The following ATP8B4 variants were observed in gnomAD, a reference collection of about 807,000 sequenced individuals.
ATP8B4 encodes the protein probable phospholipid-transporting ATPase IM.
A neutral mutation model predicts 145.6 loss-of-function variants in ATP8B4; 133 were observed. That is an observed-to-expected ratio of 0.91 (90% CI 0.79 to 1.05). The LOEUF (loss-of-function observed/expected upper bound fraction) is 1.05, where lower values mean the gene tolerates loss of function less well. Ranked by LOEUF, ATP8B4 falls within the 50% of genes least tolerant of loss-of-function variation. ATP8B4 has a pLI of 0.00. For missense variants in ATP8B4, 1,458 were observed against 1,425.2 expected (o/e 1.02, Z -0.37); for synonymous variants, 507 against 492.9 (o/e 1.03, Z -0.38).
intron 2 of ATP8B4, among the ~76,000 whole-genome samples, chr15:50,102,837 C>T (rs979376863): frequency 5.4e-5 from 8 of 148,650 alleles, no homozygotes; most frequent in African/African-American, 2.0e-4. Flanking sequence ...AGATGTAAAA[C>T]TCCTCAACAA....
chr15:49,957,934 C>T (rs141891995), intron 14 of ATP8B4, among the ~76,000 whole-genome samples: 103 of 151,742 alleles, frequency 6.8e-4, no homozygotes, highest in Non-Finnish European at 1.2e-3. Flanking sequence ...TAGCTAATTC[C>T]TACCTTAAGA....
At chr15:49,984,238 G>A (rs1282238532) in intron 10 of ATP8B4, among the ~76,000 whole-genome samples, 1 of 152,060 alleles carries the variant, frequency 6.6e-6, no homozygotes, top group Non-Finnish European at 1.5e-5. Context: ...TTTGAACCTC[G>A]ACATAAGTAA....
intron 25 of ATP8B4, among the ~76,000 whole-genome samples, chr15:49,874,087 G>A (rs1198876341): frequency 6.6e-6 from 1 of 152,156 alleles, no homozygotes; most frequent in Non-Finnish European, 1.5e-5. Flanking sequence ...TATCCATTGT[G>A]TGTCACACTA....
chr15:50,015,880 G>A (rs186365874), intron 6 of ATP8B4, among the ~76,000 whole-genome samples: 56 of 152,256 alleles, frequency 3.7e-4, no homozygotes, highest in Admixed American at 1.1e-3. Context: ...TTATGCTGAG[G>A]CAAAATCACA....
intron 14 of ATP8B4, among the ~76,000 whole-genome samples, chr15:49,960,756 C>G (rs1599444250): frequency 6.6e-6 from 1 of 152,286 alleles, no homozygotes; most frequent in South Asian, 2.1e-4. Flanking sequence ...ATTTCACAGA[C>G]AAATACTTAT....
At chr15:49,871,603 G>C (rs577252609) in intron 25 of ATP8B4, among the ~76,000 whole-genome samples, 1 of 152,320 alleles carries the variant, frequency 6.6e-6, no homozygotes, top group South Asian at 2.1e-4. Context: ...AAGACAGACA[G>C]AGTTGAAGGA....
In ATP8B4 at chr15:50,141,360, G is replaced by A. The variant is rs916387447; in HGVS notation, c.-42-34352C>T. Among the ~76,000 whole-genome samples the A allele has an allele frequency of 3.3e-5, 5 of 152,044 alleles. No individual in the cohort carries two copies. The East Asian group carries it at 9.7e-4, about 29-fold the overall frequency. Reference sequence around the variant, plus strand: ...CCAAGGCCTTATCACCATGATCCTGGGCCATGGTTTTTGATTCCTATTGGA... The same window carrying A: ...CCAAGGCCTTATCACCATGATCCTGAGCCATGGTTTTTGATTCCTATTGGA... On this transcript the variant is annotated intron_variant, in intron 1 of 3. Transcript: ENST00000558829.
chr15:49,934,787 G>T (rs900410004), intron 14 of ATP8B4, among the ~76,000 whole-genome samples: 2 of 152,176 alleles, frequency 1.3e-5, no homozygotes, highest in South Asian at 4.1e-4. Flanking sequence ...GGAACTGTGA[G>T]CCTGTATCTA....
intron 14 of ATP8B4, among the ~76,000 whole-genome samples, chr15:49,934,935 T>G (rs1004600316): frequency 6.6e-6 from 1 of 152,138 alleles, no homozygotes; most frequent in Non-Finnish European, 1.5e-5. Flanking sequence ...CTTTTGCAAT[T>G]GATTCTAAAG....
chr15:50,076,035 A>G (rs1048597160), intron 2 of ATP8B4, among the ~76,000 whole-genome samples: 2 of 152,220 alleles, frequency 1.3e-5, no homozygotes, highest in African/African-American at 2.4e-5. Flanking sequence ...AATCAGATAT[A>G]TTAATTATAT....
intron 14 of ATP8B4, among the ~76,000 whole-genome samples, chr15:49,947,404 CCTGGCGA>C (rs2042662995): frequency 6.8e-6 from 1 of 147,218 alleles, no homozygotes; most frequent in Non-Finnish European, 1.5e-5. Flanking sequence ...TGCACTCCAG[CCTGGCGA>C]CTGGCGACAG....
At chr15:50,034,381 C>T (rs1481389375) in intron 6 of ATP8B4, among the ~76,000 whole-genome samples, 2 of 152,084 alleles carry the variant, frequency 1.3e-5, no homozygotes, top group East Asian at 3.9e-4. Context: ...CGGTGCCTGC[C>T]ACCATGCCCA....
In ATP8B4 at chr15:49,866,476, C is replaced by T. The variant is rs2032804486; in HGVS notation, c.3036G>A (p.Leu1012=). The change falls in exon 26 of 28, where the codon TTG becomes TTA. Residue 1012 remains leucine (L), a synonymous_variant. Coordinates refer to ENST00000284509, the MANE Select transcript of ATP8B4 (RefSeq NM_024837.4). ...TAATGAAAGTCCAGTAACTGGTATCCAAGGCTATCTGTAAATAAAATCAAA... is the reference window on the plus strand; with the variant it reads ...TAATGAAAGTCCAGTAACTGGTATCTAAGGCTATCTGTAAATAAAATCAAA... ...LVIVVSVQIA[L]DTSYWTFINH... 1 of 1,613,456 alleles carries T rather than the reference C, an allele frequency of 6.2e-7. No individual in the cohort carries two copies.
At chr15:49,971,439 C>T (rs1431228994) in intron 13 of ATP8B4, among the ~76,000 whole-genome samples, 3 of 151,826 alleles carry the variant, frequency 2.0e-5, no homozygotes, top group Non-Finnish European at 2.9e-5. Context: ...AAACAAACAA[C>T]CCCATCAAAA....
In ATP8B4 at chr15:50,010,919, T is replaced by C; in HGVS notation, c.363-2A>G. 1 of 1,532,612 alleles carries C rather than the reference T, an allele frequency of 6.5e-7. No homozygotes were observed. 94.9% of individuals were successfully genotyped at this position (1,532,612 alleles called of 1,614,324 possible). The stretch of plus-strand genomic sequence containing the variant: ...TTCATCCATTTTTCATTCTGCAGTC[T>C]AAAAACAAAAATAAAATTAATTTTC... On this transcript the variant is annotated splice_acceptor_variant, in intron 6 of 27. Coordinates refer to ENST00000284509, the MANE Select transcript of ATP8B4 (RefSeq NM_024837.4). LOFTEE classifies it high-confidence loss of function.
chr15:50,024,620 G>A (rs28525487), intron 6 of ATP8B4, among the ~76,000 whole-genome samples: 2,039 of 152,284 alleles, frequency 0.013, 40 homozygotes, highest in African/African-American at 0.037. Context: ...CAAGGGAAAC[G>A]TCCACTGCAA....
intron 9 of ATP8B4, among the ~76,000 whole-genome samples, chr15:49,993,770 T>G (rs1417755606): frequency 6.6e-6 from 1 of 152,148 alleles, no homozygotes; most frequent in Non-Finnish European, 1.5e-5. Context: ...AAAAAGTAAC[T>G]TAACAGAAAC....
intron 21 of ATP8B4, 47 bp from the exon 22 acceptor site, chr15:49,898,298 T>A (rs771292535): frequency 3.9e-6 from 6 of 1,551,834 alleles, no homozygotes; most frequent in Non-Finnish European, 5.3e-6. Flanking sequence ...AAACAATAAA[T>A]GAGGGTTGAG....
intron 23 of ATP8B4, among the ~76,000 whole-genome samples, chr15:49,889,501 G>T (rs1338335185): frequency 6.6e-6 from 1 of 152,182 alleles, no homozygotes; most frequent in Non-Finnish European, 1.5e-5. Context: ...TTAACCAGAG[G>T]AAAGTCCATA....
Sources: allele counts gnomAD v4.1 joint callset (sites outside exome capture counted in the v4.1 genomes callset), GRCh38; gene constraint gnomAD v4.1.1; transcripts MANE v1.5; gene names NCBI Gene and HGNC (gene_info 2026-07-23, HGNC 2026-07-21).